AK3: variants seen among roughly 807,000 people sequenced by gnomAD.
The protein encoded by AK3 is GTP:AMP phosphotransferase AK3, mitochondrial.
Under a neutral mutation model 23.7 loss-of-function variants are expected in AK3, and 27 were observed. The observed-to-expected ratio is 1.14, with a 90% CI of 0.84 to 1.57. The LOEUF (loss-of-function observed/expected upper bound fraction) is 1.57. Ranked by LOEUF, AK3 falls within the 40% of genes most tolerant of loss-of-function variation. AK3 has a pLI of 0.00. For synonymous variants in AK3, 159 were observed against 116.0 expected (o/e 1.37, Z -2.38); for missense variants, 406 against 285.6 (o/e 1.42, Z -3.04).
At chr9:4,713,604 G>C (rs1165593384) in intron 4 of AK3, among the ~76,000 whole-genome samples, 1 of 151,806 alleles carries the variant, frequency 6.6e-6, no homozygotes, top group Admixed American at 6.6e-5. Flanking sequence ...TTTTTGCCCA[G>C]GCCAACATTT....
intron 4 of AK3, among the ~76,000 whole-genome samples, chr9:4,717,734 A>G (rs934409772): frequency 2.6e-5 from 4 of 152,238 alleles, no homozygotes; most frequent in African/African-American, 9.6e-5. Flanking sequence ...TTATTACAAA[A>G]CAGGCTTTGT....
intron 4 of AK3, among the ~76,000 whole-genome samples, chr9:4,715,943 C>A (rs1171576984): frequency 2.0e-5 from 3 of 152,118 alleles, no homozygotes; most frequent in Non-Finnish European, 4.4e-5. Flanking sequence ...TCGGTGCCGA[C>A]CCCAAGACTT....
At position 4,712,922 on chromosome 9, in the gene AK3, G is replaced by A; in HGVS notation, c.*54C>T. 6.4e-7 allele frequency: 1 copy of A among 1,560,294 alleles called. No individual in the cohort carries two copies. The highest frequency in any genetic ancestry group is 8.7e-7 in the Non-Finnish European group (1 of 1,151,286). ...GTCTTAGGAAAAGCAGCTTCTAAAT[G>A]CAAGGACTAGGAGGTTTGCCCATCT... On this transcript the variant is annotated 3_prime_UTR_variant, in exon 5 of 5. Transcript: ENST00000381809.
At chr9:4,718,250 A>C (rs1374231558) in intron 4 of AK3, among the ~76,000 whole-genome samples, 169 bp downstream of exon 4, 1 of 152,206 alleles carries the variant, frequency 6.6e-6, no homozygotes, top group Non-Finnish European at 1.5e-5. Context: ...CTGAAGCCCA[A>C]CCTACCTTCT....
intron 1 of AK3, among the ~76,000 whole-genome samples, chr9:4,739,127 G>A (rs1842364310): frequency 6.6e-6 from 1 of 152,012 alleles, no homozygotes; most frequent in South Asian, 2.1e-4. Flanking sequence ...ATCTGGGACT[G>A]TTTAATGTTA....
intron 4 of AK3, among the ~76,000 whole-genome samples, chr9:4,714,552 T>C (rs559506381): frequency 2.0e-5 from 3 of 152,336 alleles, no homozygotes; most frequent in South Asian, 2.1e-4. Context: ...TTCTTAACTG[T>C]TGTAAGCCTC....
chr9:4,740,370 T>C (rs1413237789), intron 1 of AK3, among the ~76,000 whole-genome samples: 1 of 152,176 alleles, frequency 6.6e-6, no homozygotes, highest in Admixed American at 6.5e-5. Flanking sequence ...AGCCTTCGTG[T>C]CTACGAAATC....
chr9:4,716,271 A>G (rs1318176740), intron 4 of AK3, among the ~76,000 whole-genome samples: 1 of 152,196 alleles, frequency 6.6e-6, no homozygotes, highest in East Asian at 1.9e-4. Flanking sequence ...ACCCACAAAC[A>G]TAGCTTCTTG....
chr9:4,736,824 C>T (rs1283214404), intron 1 of AK3, among the ~76,000 whole-genome samples: 5 of 152,112 alleles, frequency 3.3e-5, no homozygotes, highest in East Asian at 1.9e-4. Context: ...ACTTCAGGCA[C>T]GTGCCACCAC....
rs2130923418 is a variant in AK3 at position 4,741,161 on chromosome 9, C to G, written c.-74G>C. The G allele has an allele frequency of 5.3e-6, 7 of 1,316,152 alleles. No homozygotes were observed. Among genetic ancestry groups the G allele is most frequent in the Non-Finnish European group, 6.8e-6 (7 of 1,028,116 alleles). The allele number at this position is 1,316,152 out of a possible 1,614,324, so 81.5% of individuals were successfully genotyped here. A position where few individuals can be genotyped will look rare whatever the true frequency, so the allele number is the denominator to read the frequency against. On this transcript the variant is annotated 5_prime_UTR_variant, in exon 1 of 5. Coordinates refer to ENST00000381809, the MANE Select transcript of AK3 (RefSeq NM_016282.4). ...GCCTGCGCGCTCACCCGCTCGGCAG[C>G]CTGCGCCGGCCGGCTAGCAGCGCCA...
At chr9:4,727,586 G>T (rs548078200) in intron 1 of AK3, among the ~76,000 whole-genome samples, 29 of 152,178 alleles carry the variant, frequency 1.9e-4, no homozygotes, top group Admixed American at 3.3e-4. Flanking sequence ...AATGGATGAT[G>T]TGGCTGGTCT....
At chr9:4,718,062 G>A (rs1031588704) in intron 4 of AK3, among the ~76,000 whole-genome samples, 1 of 152,186 alleles carries the variant, frequency 6.6e-6, no homozygotes, top group African/African-American at 2.4e-5. Context: ...CCATCCGAGT[G>A]GTGCTCTGGG....
intron 1 of AK3, among the ~76,000 whole-genome samples, chr9:4,723,921 T>C (rs760532317): frequency 6.6e-6 from 1 of 152,056 alleles, no homozygotes; most frequent in Non-Finnish European, 1.5e-5. Flanking sequence ...TATATGAACA[T>C]TTTCCTAACT....
At chr9:4,715,009 A>T (rs932533397) in intron 4 of AK3, among the ~76,000 whole-genome samples, 1 of 152,106 alleles carries the variant, frequency 6.6e-6, no homozygotes. Flanking sequence ...ACTTGAGGTC[A>T]GGAGTTCAAG....
At position 4,711,955 on chromosome 9, in the gene AK3, G is replaced by A. The variant is rs900453747; in HGVS notation, c.*1021C>T. On this transcript the variant is annotated 3_prime_UTR_variant, in exon 5 of 5. Coordinates refer to ENST00000381809, the MANE Select transcript of AK3 (RefSeq NM_016282.4). ...ACCTGTTTACTAATTATGATTGATTGCTATTTATGCCAAGGGAGCATTTCC... is the reference window on the plus strand; with the variant it reads ...ACCTGTTTACTAATTATGATTGATTACTATTTATGCCAAGGGAGCATTTCC... The A allele has an allele frequency of 1.3e-5, 2 of 152,070 alleles. No individual in the cohort carries two copies. The highest frequency in any genetic ancestry group is 4.8e-5 in the African/African-American group (2 of 41,392). The allele number at this position is 152,070 out of a possible 1,614,324, so 9.4% of individuals were successfully genotyped here. A position where few individuals can be genotyped will look rare whatever the true frequency, so the allele number is the denominator to read the frequency against.
intron 1 of AK3, among the ~76,000 whole-genome samples, chr9:4,737,043 A>C (rs1312188677): frequency 6.7e-6 from 1 of 149,678 alleles, no homozygotes; most frequent in Non-Finnish European, 1.5e-5. Context: ...ATCACACTTC[A>C]ACCTCACGAT....
chr9:4,740,797 G>C, intron 1 of AK3, 140 bp downstream of exon 1: 1 of 1,129,920 alleles, frequency 8.9e-7, no homozygotes, highest in Non-Finnish European at 1.2e-6. Context: ...TCGCTCAGCA[G>C]CCCGAGGTCT....
chr9:4,721,386 G>A (rs1841891026), intron 2 of AK3, among the ~76,000 whole-genome samples: 1 of 147,546 alleles, frequency 6.8e-6, no homozygotes, highest in South Asian at 2.2e-4. Flanking sequence ...CTGGGCAACA[G>A]AGCCAGACAC....
rs141090350 is a variant in AK3 at position 4,719,161 on chromosome 9, T to A, written c.418A>T (p.Ile140Phe). Reference protein sequence around the residue: ...IHPASGRVYNIEFNPPKTVGI... With the variant: ...IHPASGRVYNFEFNPPKTVGI... Reference sequence around the variant, plus strand: ...ACAGTTTTGGGAGGGTTGAATTCAATGTTATAGACTCGGCCACTGGCGGGA... The same window carrying A: ...ACAGTTTTGGGAGGGTTGAATTCAAAGTTATAGACTCGGCCACTGGCGGGA... Residue 140 changes from isoleucine (I) to phenylalanine (F), a missense_variant, in exon 3 of 5, where the codon ATT becomes TTT. Transcript: ENST00000381809. The A allele has an allele frequency of 2.2e-3, 3,500 of 1,611,874 alleles. 8 individuals are homozygous for A. Among genetic ancestry groups the A allele is most frequent in the Non-Finnish European group, 1.9e-3 (2,247 of 1,179,812 alleles).
Sources: allele counts gnomAD v4.1 joint callset (sites outside exome capture counted in the v4.1 genomes callset), GRCh38; gene constraint gnomAD v4.1.1; transcripts MANE v1.5; gene names NCBI Gene and HGNC (gene_info 2026-07-23, HGNC 2026-07-21).